The following TMEM74 variants were observed in gnomAD, a reference collection of about 807,000 sequenced individuals.
TMEM74 encodes the protein transmembrane protein 74.
A neutral mutation model predicts 18.1 loss-of-function variants in TMEM74; 13 were observed. The ratio of observed to expected loss-of-function variants is 0.72; its 90% CI spans 0.47 to 1.14. The LOEUF is 1.14. TMEM74 is among the 50% of genes most tolerant of loss of function. The pLI, the probability that TMEM74 is intolerant of heterozygous loss-of-function variation, is 0.00. For synonymous variants in TMEM74, 159 were observed against 146.6 expected (o/e 1.08, Z -0.61); for missense variants, 372 against 375.9 (o/e 0.99, Z 0.09).
intron 1 of TMEM74, among the ~76,000 whole-genome samples, chr8:108,698,349 A>G (rs1448018539): frequency 6.6e-6 from 1 of 152,212 alleles, no homozygotes; most frequent in Non-Finnish European, 1.5e-5. Context: ...TGTGAGGCAT[A>G]AGGCTTGGGT....
intron 1 of TMEM74, among the ~76,000 whole-genome samples, chr8:108,665,797 C>T (rs1812943937): frequency 6.6e-6 from 1 of 151,986 alleles, no homozygotes; most frequent in African/African-American, 2.4e-5. Context: ...GACTTAACTG[C>T]TGATACAGAC....
At chr8:108,709,116 T>A (rs1246246228) in intron 1 of TMEM74, among the ~76,000 whole-genome samples, 1 of 152,170 alleles carries the variant, frequency 6.6e-6, no homozygotes, top group Non-Finnish European at 1.5e-5. Context: ...AAAAACAGTA[T>A]GGATGTTCCA....
rs1814327135 is a variant in TMEM74, at chr8:108,782,990, A to C, written c.*1191T>G. Reference sequence around the variant, plus strand: ...GCTCTTAGAGAAGAGTTTGTGCTGCATGAGGCAAGAGTTCACAGTTGCTGA... The same window carrying C: ...GCTCTTAGAGAAGAGTTTGTGCTGCCTGAGGCAAGAGTTCACAGTTGCTGA... On this transcript the variant is annotated 3_prime_UTR_variant, in exon 2 of 2. Coordinates refer to ENST00000297459, the MANE Select transcript of TMEM74 (RefSeq NM_153015.3). Among the ~76,000 whole-genome samples, 1 of 152,366 alleles carries C rather than the reference A, an allele frequency of 6.6e-6. No homozygotes were observed. Among genetic ancestry groups the C allele is most frequent in the Non-Finnish European group, 1.5e-5 (1 of 68,040 alleles).
intron 1 of TMEM74, among the ~76,000 whole-genome samples, chr8:108,696,642 A>G (rs1331931411): frequency 6.6e-6 from 1 of 152,250 alleles, no homozygotes; most frequent in Non-Finnish European, 1.5e-5. Flanking sequence ...AGATGAAAGC[A>G]CAGTCTTTGA....
chr8:108,753,816 C>G (rs543918088), intron 1 of TMEM74, among the ~76,000 whole-genome samples: 34 of 152,098 alleles, frequency 2.2e-4, no homozygotes, highest in Non-Finnish European at 4.0e-4. Context: ...GCTCTTTGTT[C>G]CTCTACTCCT....
At chr8:108,652,547 CA>C in intron 2 of TMEM74, 1 of 549,708 alleles carries the variant, frequency 1.8e-6, no homozygotes, top group Non-Finnish European at 3.4e-6. Flanking sequence ...CATTCTCAAA[CA>C]ATTTGGTTTT....
chr8:108,660,203 A>G (rs541612060), intron 1 of TMEM74, among the ~76,000 whole-genome samples: 1 of 152,138 alleles, frequency 6.6e-6, no homozygotes, highest in East Asian at 1.9e-4. Flanking sequence ...TTCACCAGTC[A>G]TCAAAGACTG....
intron 2 of TMEM74, among the ~76,000 whole-genome samples, chr8:108,624,995 T>C (rs1014406008): frequency 6.6e-6 from 1 of 152,088 alleles, no homozygotes; most frequent in African/African-American, 2.4e-5. Flanking sequence ...CTATTTAGTA[T>C]ATTTGAAAAC....
intron 2 of TMEM74, among the ~76,000 whole-genome samples, chr8:108,645,522 A>G (rs1812709208): frequency 6.6e-6 from 1 of 152,156 alleles, no homozygotes; most frequent in South Asian, 2.1e-4. Flanking sequence ...TGCTAGAGAA[A>G]TCTGGGGTCA....
chr8:108,722,968 A>G (rs902375185), intron 1 of TMEM74, among the ~76,000 whole-genome samples: 1 of 152,144 alleles, frequency 6.6e-6, no homozygotes, highest in East Asian at 1.9e-4. Flanking sequence ...TTAAATGAGA[A>G]AAGTGTTAGG....
At chr8:108,775,316 T>G (rs1010581743), downstream of TMEM74, among the ~76,000 whole-genome samples, 4 of 152,178 alleles carry the variant, frequency 2.6e-5, no homozygotes, top group African/African-American at 4.8e-5. Flanking sequence ...TATGGCCACA[T>G]CTAAAATAAG....
At chr8:108,617,487 G>A (rs1051822679) in intron 2 of TMEM74, among the ~76,000 whole-genome samples, 3 of 151,970 alleles carry the variant, frequency 2.0e-5, no homozygotes, top group South Asian at 2.1e-4. Context: ...CTGTCTAAAG[G>A]GGACCTCCTG....
At chr8:108,738,564 GA>G (rs1813770194) in intron 1 of TMEM74, among the ~76,000 whole-genome samples, 3 of 151,956 alleles carry the variant, frequency 2.0e-5, no homozygotes, top group Admixed American at 6.6e-5. Context: ...TTTTTTCCTG[GA>G]ATGAAAGCCA....
chr8:108,743,477 AT>A (rs1242646472), intron 1 of TMEM74, among the ~76,000 whole-genome samples: 2 of 152,232 alleles, frequency 1.3e-5, no homozygotes, highest in Non-Finnish European at 2.9e-5. Flanking sequence ...TTAGAAAAAA[AT>A]AGCATCACTT....
chr8:108,610,241 A>G (rs981595808), intron 2 of TMEM74, among the ~76,000 whole-genome samples: 1 of 152,188 alleles, frequency 6.6e-6, no homozygotes, highest in Non-Finnish European at 1.5e-5. Context: ...AAGGACTGAG[A>G]TCATCCTTCC....
intron 1 of TMEM74, among the ~76,000 whole-genome samples, chr8:108,768,334 C>T (rs181519232): frequency 7.2e-5 from 11 of 152,074 alleles, no homozygotes; most frequent in African/African-American, 1.9e-4. Flanking sequence ...TTTCTCTCTT[C>T]GACATCCTAA....
chr8:108,710,192 G>A (rs1813460630), intron 1 of TMEM74, among the ~76,000 whole-genome samples: 1 of 152,214 alleles, frequency 6.6e-6, no homozygotes, highest in South Asian at 2.1e-4. Flanking sequence ...TTTTAGTAAA[G>A]GATGCGTTTA....
At chr8:108,747,833 G>A (rs957325612) in intron 1 of TMEM74, among the ~76,000 whole-genome samples, 2 of 151,504 alleles carry the variant, frequency 1.3e-5, no homozygotes, top group Non-Finnish European at 2.9e-5. Context: ...CTGTTCCTAC[G>A]TTAGTTTGCT....
At chr8:108,762,240 A>C (rs913501589) in intron 1 of TMEM74, among the ~76,000 whole-genome samples, 1 of 152,114 alleles carries the variant, frequency 6.6e-6, no homozygotes, top group Non-Finnish European at 1.5e-5. Flanking sequence ...CAAATAATAC[A>C]AATATATAAT....
Sources: gnomAD v4.1 joint callset for allele counts (sites outside exome capture counted in the v4.1 genomes callset) on GRCh38, gnomAD v4.1.1 for gene constraint, MANE v1.5 for transcripts, NCBI Gene and HGNC (gene_info 2026-07-23, HGNC 2026-07-21) for gene names.